Variants in RBFOX1 observed in about 807,000 individuals in gnomAD.
The protein encoded by RBFOX1 is RNA binding protein fox-1 homolog 1.
RBFOX1 carries 8 observed loss-of-function variants against 57.7 expected under a neutral mutation model. That is an observed-to-expected ratio of 0.14 (90% CI 0.08 to 0.25). The LOEUF (loss-of-function observed/expected upper bound fraction) is 0.25, where lower values mean the gene tolerates loss of function less well. Among genes scored for constraint, RBFOX1 ranks in the 10% least tolerant of loss-of-function variants. RBFOX1 has a pLI of 1.00. For synonymous variants in RBFOX1, 326 were observed against 222.4 expected (o/e 1.47, Z -4.15); for missense variants, 611 against 548.5 (o/e 1.11, Z -1.14).
intron 1 of RBFOX1, among the ~76,000 whole-genome samples, chr16:5,315,629 C>T (rs781359628): frequency 2.8e-4 from 43 of 152,158 alleles, no homozygotes; most frequent in Non-Finnish European, 5.6e-4. Context: ...CCCTGTTTGT[C>T]ACGTACAGAA....
At chr16:6,945,688 C>G (rs940320490) in intron 3 of RBFOX1, among the ~76,000 whole-genome samples, 17 of 152,022 alleles carry the variant, frequency 1.1e-4, no homozygotes, top group Admixed American at 7.2e-4. Context: ...GTCAGGAGTT[C>G]AAGACCAGCC....
rs117031198 is a variant in RBFOX1 at position 7,208,355 on chromosome 16, A to T, written c.27+156257A>T. Among the ~76,000 whole-genome samples, 1,162 of 152,292 alleles carry T rather than the reference A, an allele frequency of 7.6e-3. 6 individuals carry two copies. The highest frequency in any genetic ancestry group is 0.013 in the Non-Finnish European group (870 of 68,020). On this transcript the variant is annotated intron_variant, in intron 4 of 15. Coordinates refer to ENST00000550418, the MANE Select transcript of RBFOX1 (RefSeq NM_018723.4). ...GTAGCTAACGCTGGGGAATTTATAA[A>T]GAAAAGAGGGGTGTTTTGGCTTATG...
chr16:7,544,956 G>A (rs1395585), intron 5 of RBFOX1, among the ~76,000 whole-genome samples: 106,532 of 152,034 alleles, frequency 0.7, 38,879 homozygotes, highest in Middle Eastern at 0.83. Flanking sequence ...GCTCAGTTAC[G>A]ATGTGTGAAC....
At chr16:6,985,467 G>A (rs1222676700) in intron 3 of RBFOX1, among the ~76,000 whole-genome samples, 1 of 152,162 alleles carries the variant, frequency 6.6e-6, no homozygotes, top group Non-Finnish European at 1.5e-5. Flanking sequence ...GGGCAAAATA[G>A]CTAGTCCACA....
intron 2 of RBFOX1, among the ~76,000 whole-genome samples, chr16:6,464,962 C>T (rs531891682): frequency 1.3e-5 from 2 of 152,224 alleles, no homozygotes; most frequent in South Asian, 4.1e-4. Flanking sequence ...GGGCAAATCA[C>T]TTACTAGCTC....
chr16:7,698,184 GTGTGTGTGT>G (rs758216738), intron 14 of RBFOX1, among the ~76,000 whole-genome samples: 1 of 69,882 alleles, frequency 1.4e-5, no homozygotes, highest in South Asian at 4.5e-4. Flanking sequence ...GTCCAAGAGG[GTGTGTGTGT>G]GTGTGTGTGT....
In RBFOX1 at chr16:5,996,032, G is replaced by A. The variant is rs527424932; in HGVS notation, c.351+128697G>A. ...GGTGGAAGGAGAAAAGGAGCTCTCT[G>A]GGACCTCTTTTATAAGAGTACTAAT... On this transcript the variant is annotated intron_variant, in intron 4 of 19. Coordinates refer to the RBFOX1 transcript ENST00000641259. Among the ~76,000 whole-genome samples the A allele has an allele frequency of 5.3e-5, 8 of 152,188 alleles. No homozygotes were observed. The South Asian group carries it at 1.7e-3, about 32-fold the overall frequency.
chr16:6,055,863 C>A (rs1284855401), intron 1 of RBFOX1, among the ~76,000 whole-genome samples: 3 of 152,130 alleles, frequency 2.0e-5, no homozygotes, highest in Admixed American at 6.5e-5. Flanking sequence ...TCCTCAGAAT[C>A]CCATGGTTAC....
intron 4 of RBFOX1, among the ~76,000 whole-genome samples, chr16:7,294,419 G>A (rs2095851544): frequency 6.6e-6 from 1 of 151,666 alleles, no homozygotes; most frequent in African/African-American, 2.4e-5. Flanking sequence ...TCTACCTGGT[G>A]TGTCTCGGGT....
At chr16:7,654,038 AC>A (rs111766093) in intron 12 of RBFOX1, 91 bp downstream of exon 12, 2 of 1,355,918 alleles carry the variant, frequency 1.5e-6, no homozygotes, top group Non-Finnish European at 1.9e-6. Flanking sequence ...GATGGTCTTG[AC>A]TCCCCCTCCG....
intron 4 of RBFOX1, among the ~76,000 whole-genome samples, chr16:7,304,767 C>T (rs886708357): frequency 6.6e-6 from 1 of 152,160 alleles, no homozygotes; most frequent in Non-Finnish European, 1.5e-5. Context: ...TACCATCTTC[C>T]TTGTGTCAGT....
intron 4 of RBFOX1, among the ~76,000 whole-genome samples, chr16:5,999,064 A>G (rs548324923): frequency 1.3e-5 from 2 of 152,316 alleles, no homozygotes; most frequent in South Asian, 4.1e-4. Flanking sequence ...CCTCTGTTCA[A>G]GGAGCATGAC....
intron 4 of RBFOX1, among the ~76,000 whole-genome samples, chr16:7,175,732 G>T (rs1345094122): frequency 1.3e-5 from 2 of 152,114 alleles, no homozygotes; most frequent in Non-Finnish European, 2.9e-5. Context: ...GCAGTAGTTG[G>T]TATTATTTCT....
intron 4 of RBFOX1, among the ~76,000 whole-genome samples, chr16:5,900,617 A>G (rs767910723): frequency 2.0e-5 from 3 of 152,152 alleles, no homozygotes; most frequent in Non-Finnish European, 2.9e-5. Flanking sequence ...TTCCCAGGCC[A>G]TCCCTCTAGC....
At chr16:6,818,295 C>T (rs889479747) in intron 3 of RBFOX1, among the ~76,000 whole-genome samples, 6 of 152,044 alleles carry the variant, frequency 3.9e-5, no homozygotes, top group Non-Finnish European at 5.9e-5. Context: ...GTGTGTGCGT[C>T]TTTCATTACT....
intron 3 of RBFOX1, among the ~76,000 whole-genome samples, chr16:6,692,324 T>G (rs35257116): frequency 0.13 from 10,929 of 82,176 alleles, 485 homozygotes; most frequent in African/African-American, 0.21. Context: ...GATGTCGTTT[T>G]CACTAAGTGT....
At chr16:5,598,369 G>C (rs2047256526) in intron 2 of RBFOX1, among the ~76,000 whole-genome samples, 1 of 152,134 alleles carries the variant, frequency 6.6e-6, no homozygotes, top group African/African-American at 2.4e-5. Context: ...GAAACATCCG[G>C]ACCAGCACTG....
At chr16:7,122,161 T>C (rs1353060203) in intron 4 of RBFOX1, among the ~76,000 whole-genome samples, 1 of 152,160 alleles carries the variant, frequency 6.6e-6, no homozygotes. Context: ...TAATTTGACT[T>C]AACAAAATTG....
At chr16:6,501,352 C>G (rs1184966009) in intron 2 of RBFOX1, among the ~76,000 whole-genome samples, 1 of 135,784 alleles carries the variant, frequency 7.4e-6, no homozygotes. Context: ...CATGTGTTCT[C>G]ACTGTTCAAT....
Sources: gnomAD v4.1 joint callset for allele counts (sites outside exome capture counted in the v4.1 genomes callset) on GRCh38, gnomAD v4.1.1 for gene constraint, MANE v1.5 for transcripts, NCBI Gene and HGNC (gene_info 2026-07-23, HGNC 2026-07-21) for gene names.